ADAMTS19: variants seen among roughly 807,000 people sequenced by gnomAD.
ADAMTS19 encodes ADAM metallopeptidase with thrombospondin type 1 motif 19, also known as A disintegrin and metalloproteinase with thrombospondin motifs 19.
A neutral mutation model predicts 153.3 loss-of-function variants in ADAMTS19; 93 were observed. That is an observed-to-expected ratio of 0.61 (90% CI 0.51 to 0.72). The LOEUF is 0.72. Among genes scored for constraint, ADAMTS19 ranks in the 30% least tolerant of loss-of-function variants. The pLI, the probability that ADAMTS19 is intolerant of heterozygous loss-of-function variation, is 0.00. For synonymous variants in ADAMTS19, 600 were observed against 556.6 expected, an observed-to-expected ratio of 1.08 and a Z score of -1.10; for missense variants, 1,482 against 1,552.1, an observed-to-expected ratio of 0.95 and a Z score of 0.76.
At chr5:129,594,266 C>A (rs1006024876) in intron 7 of ADAMTS19, among the ~76,000 whole-genome samples, 15 of 152,198 alleles carry the variant, frequency 9.9e-5, no homozygotes, top group African/African-American at 3.6e-4. Context: ...ATGTAAAACT[C>A]ATTAAAGTGA....
intron 3 of ADAMTS19, among the ~76,000 whole-genome samples, chr5:129,524,777 G>A (rs1751948323): frequency 6.6e-6 from 1 of 151,686 alleles, no homozygotes; most frequent in Non-Finnish European, 1.5e-5. Context: ...AAAAACGAAG[G>A]AAAAGAAAAT....
At chr5:129,565,537 C>T (rs1457008202) in intron 7 of ADAMTS19, among the ~76,000 whole-genome samples, 2 of 152,016 alleles carry the variant, frequency 1.3e-5, no homozygotes, top group Non-Finnish European at 2.9e-5. Context: ...TTTTGAAACC[C>T]CTATTCTGTG....
chr5:129,504,874 C>CACAG (rs1554087672), intron 2 of ADAMTS19, among the ~76,000 whole-genome samples: 1 of 55,084 alleles, frequency 1.8e-5, no homozygotes, highest in Non-Finnish European at 4.1e-5. Flanking sequence ...CACACACAGA[C>CACAG]ACACACACAC....
intron 8 of ADAMTS19, among the ~76,000 whole-genome samples, chr5:129,599,664 A>G (rs1750552693): frequency 1.3e-5 from 2 of 152,204 alleles, no homozygotes; most frequent in Non-Finnish European, 2.9e-5. Context: ...AGCTACAACT[A>G]TTTAAACTAA....
chr5:129,519,048 T>A (rs1751703591), intron 3 of ADAMTS19, among the ~76,000 whole-genome samples: 1 of 152,128 alleles, frequency 6.6e-6, no homozygotes. Context: ...TCTTCTTAAT[T>A]ATTTCAAGTT....
chr5:129,604,206 CG>C (rs1032261482), intron 8 of ADAMTS19, among the ~76,000 whole-genome samples: 4 of 44,284 alleles, frequency 9.0e-5, no homozygotes, highest in Non-Finnish European at 1.3e-4. Context: ...CCATGGCACA[CG>C]TTTTACCTAT....
Position 129,580,121 on chromosome 5 carries a change from G to A in ADAMTS19, c.1373-16438G>A, listed in dbSNP as rs534882383. On this transcript the variant is annotated intron_variant, in intron 7 of 22. Transcript: ENST00000274487. ...TCCTCTCTTATTTTCTTGAGCAGTGGTTTGTAGTTCTCCTTGAAGAGGTCC... is the reference window on the plus strand; with the variant it reads ...TCCTCTCTTATTTTCTTGAGCAGTGATTTGTAGTTCTCCTTGAAGAGGTCC... 3.0e-4 allele frequency among the ~76,000 whole-genome samples: 45 copies of A among 152,214 alleles called. 1 individual carries two copies. Among genetic ancestry groups the A allele is most frequent in the African/African-American group, 1.1e-3 (44 of 41,542 alleles).
At chr5:129,706,919 C>A (rs188657542) in intron 21 of ADAMTS19, among the ~76,000 whole-genome samples, 73 of 152,128 alleles carry the variant, frequency 4.8e-4, no homozygotes, top group African/African-American at 1.7e-3. Flanking sequence ...GTATGTAATT[C>A]TTAAATATAA....
intron 8 of ADAMTS19, among the ~76,000 whole-genome samples, chr5:129,607,466 T>G (rs1750956969): frequency 6.6e-6 from 1 of 152,172 alleles, no homozygotes; most frequent in South Asian, 2.1e-4. Context: ...TGAATGCTCA[T>G]CTGTTGGTCA....
chr5:129,484,005 T>G (rs931750715), intron 2 of ADAMTS19, among the ~76,000 whole-genome samples: 1 of 152,170 alleles, frequency 6.6e-6, no homozygotes, highest in Non-Finnish European at 1.5e-5. Context: ...CTAACTGTAG[T>G]TAAGAGTGCC....
At chr5:129,633,269 A>G (rs902172750) in intron 10 of ADAMTS19, among the ~76,000 whole-genome samples, 2 of 152,112 alleles carry the variant, frequency 1.3e-5, no homozygotes, top group African/African-American at 4.8e-5. Context: ...CATTTATTAC[A>G]AGCCAATTTC....
intron 2 of ADAMTS19, among the ~76,000 whole-genome samples, chr5:129,487,314 A>G (rs76895068): frequency 0.013 from 1,978 of 152,202 alleles, 41 homozygotes; most frequent in African/African-American, 0.044. Context: ...ATGATGCTAT[A>G]TTTTGTGTAA....
chr5:129,468,588 A>G (rs1749956963), intron 2 of ADAMTS19, among the ~76,000 whole-genome samples: 4 of 151,890 alleles, frequency 2.6e-5, no homozygotes, highest in African/African-American at 4.8e-5. Flanking sequence ...TCTTGACCTC[A>G]TGATCCGCCC....
At chr5:129,620,802 G>A (rs754051960) in intron 9 of ADAMTS19, 44 bp downstream of exon 9, 44 of 1,585,570 alleles carry the variant, frequency 2.8e-5, no homozygotes, top group Non-Finnish European at 2.9e-5. Flanking sequence ...ATGATTATGT[G>A]TGCTGTTTCT....
chr5:129,488,731 A>T (rs1038556836), intron 2 of ADAMTS19, among the ~76,000 whole-genome samples: 10 of 152,116 alleles, frequency 6.6e-5, no homozygotes, highest in African/African-American at 2.4e-4. Context: ...TATCTTAAAG[A>T]TTATTACCTG....
chr5:129,680,630 C>T (rs1226224308), intron 17 of ADAMTS19, among the ~76,000 whole-genome samples: 6 of 151,784 alleles, frequency 4.0e-5, no homozygotes, highest in Non-Finnish European at 8.8e-5. Context: ...GGCATGGTGA[C>T]GCATGCCTGT....
intron 7 of ADAMTS19, among the ~76,000 whole-genome samples, chr5:129,565,583 G>C (rs1043212963): frequency 6.6e-6 from 1 of 152,136 alleles, no homozygotes; most frequent in Non-Finnish European, 1.5e-5. Flanking sequence ...GCTAGAAATA[G>C]AGTGGTGCCT....
chr5:129,735,223 G>T, intron 22 of ADAMTS19, 114 bp downstream of exon 22: 2 of 1,076,850 alleles, frequency 1.9e-6, no homozygotes, highest in Non-Finnish European at 2.5e-6. Flanking sequence ...TGATTATTTT[G>T]GTTTGCACTA....
chr5:129,666,664 A>G (rs745369771), intron 16 of ADAMTS19, among the ~76,000 whole-genome samples: 7 of 152,178 alleles, frequency 4.6e-5, no homozygotes, highest in South Asian at 2.1e-4. Context: ...ACCAATTATT[A>G]CCATTTGTTC....
Sources: allele counts gnomAD v4.1 joint callset (sites outside exome capture counted in the v4.1 genomes callset), GRCh38; gene constraint gnomAD v4.1.1; transcripts MANE v1.5; gene names NCBI Gene and HGNC (gene_info 2026-07-23, HGNC 2026-07-21).